The following PITPNM2 variants were observed in gnomAD, a reference collection of about 807,000 sequenced individuals.
The protein encoded by PITPNM2 is phosphatidylinositol transfer protein membrane associated 2.
PITPNM2 carries 35 observed loss-of-function variants against 132.2 expected under a neutral mutation model. The ratio of observed to expected loss-of-function variants is 0.26; its 90% CI spans 0.20 to 0.35. The LOEUF (loss-of-function observed/expected upper bound fraction) is 0.35. Ranked by LOEUF, PITPNM2 falls within the 10% of genes least tolerant of loss-of-function variation. PITPNM2 has a pLI of 1.00. For synonymous variants in PITPNM2, 738 were observed against 799.2 expected (o/e 0.92, Z 1.29); for missense variants, 1,332 against 1,912.0 (o/e 0.70, Z 5.66).
At chr12:123,014,256 G>C (rs565278383) in intron 3 of PITPNM2, among the ~76,000 whole-genome samples, 35 of 152,344 alleles carry the variant, frequency 2.3e-4, no homozygotes, top group African/African-American at 8.2e-4. Context: ...CCCAGACCTA[G>C]TGCTGCACAC....
In PITPNM2 at chr12:123,067,525, G is replaced by A. The variant is rs531714476; in HGVS notation, c.-95-32840C>T. 7.9e-4 allele frequency among the ~76,000 whole-genome samples: 119 copies of A among 151,374 alleles called. 1 individual carries two copies. Among genetic ancestry groups the A allele is most frequent in the African/African-American group, 2.7e-3 (110 of 41,222 alleles). On this transcript the variant is annotated intron_variant, in intron 2 of 25. Coordinates refer to ENST00000320201, the MANE Select transcript of PITPNM2 (RefSeq NM_020845.3). ...CAAAAGAAGAAGAGGAGAGGACACA[G>A]GAGACACAGGAGAAGGCCATGTGAA...
In PITPNM2 at chr12:123,000,136, C is replaced by T. The variant is rs2038595366; in HGVS notation, c.1224+642G>A. Among the ~76,000 whole-genome samples, 1 of 152,236 alleles carries T rather than the reference C, an allele frequency of 6.6e-6. No homozygotes were observed. Among genetic ancestry groups the T allele is most frequent in the Non-Finnish European group, 1.5e-5 (1 of 68,036 alleles). Reference sequence around the variant, plus strand: ...GTTCCCCACAGAAGTGGTGCTGCCTCCACCTTAGGTAGCTTGAGGCCAGAG... The same window carrying T: ...GTTCCCCACAGAAGTGGTGCTGCCTTCACCTTAGGTAGCTTGAGGCCAGAG... On this transcript the variant is annotated intron_variant, in intron 10 of 25. Coordinates refer to ENST00000320201, the MANE Select transcript of PITPNM2 (RefSeq NM_020845.3). This position sits in a 1 kb window ranked among gnomAD's most constrained non-coding sequence, Gnocchi z 5.4.
intron 6 of PITPNM2, among the ~76,000 whole-genome samples, chr12:123,006,573 C>T (rs1020182788): frequency 3.3e-5 from 5 of 150,332 alleles, no homozygotes; most frequent in Non-Finnish European, 7.4e-5. Flanking sequence ...ATTAGCCAGG[C>T]GTGGTGGTGT....
chr12:122,992,711 G>A lies in PITPNM2; in HGVS notation c.2234-42C>T. ...TGGCTGCAGAGCTGGGGCTGGCCCT[G>A]AGGAGCAGTGGTGGGGGTGGGAAAT... On this transcript the variant is annotated intron_variant, in intron 15 of 25. Transcript: ENST00000320201. This position sits in a 1 kb window ranked among gnomAD's most constrained non-coding sequence, Gnocchi z 6.5. 1.3e-6 allele frequency: 2 copies of A among 1,487,466 alleles called. 1 individual carries two copies. The allele number at this position is 1,487,466 out of a possible 1,614,324, so 92.1% of individuals were successfully genotyped here. A position where few individuals can be genotyped will look rare whatever the true frequency, so the allele number is the denominator to read the frequency against.
At chr12:123,014,770 T>C (rs2039357918) in intron 3 of PITPNM2, among the ~76,000 whole-genome samples, 1 of 152,060 alleles carries the variant, frequency 6.6e-6, no homozygotes, top group African/African-American at 2.4e-5. Flanking sequence ...AAGATAGAAG[T>C]AAAACTATTT....
Position 123,058,098 on chromosome 12 carries a change from C to T in PITPNM2, c.-95-23413G>A, listed in dbSNP as rs1034708725. Among the ~76,000 whole-genome samples the T allele has an allele frequency of 6.6e-6, 1 of 152,200 alleles. No individual in the cohort carries two copies. The highest frequency in any genetic ancestry group is 1.5e-5 in the Non-Finnish European group (1 of 68,042). On this transcript the variant is annotated intron_variant, in intron 2 of 25. Coordinates refer to ENST00000320201, the MANE Select transcript of PITPNM2 (RefSeq NM_020845.3). The surrounding 1 kb of genome is among the most constrained non-coding windows in gnomAD (Gnocchi z 4.0). ...TTTTACTCTTCAAAGTACTTACGAACCCACGTTCTTCACTTCTTCTTTTTG... is the reference window on the plus strand; with the variant it reads ...TTTTACTCTTCAAAGTACTTACGAATCCACGTTCTTCACTTCTTCTTTTTG...
chr12:123,086,195 A>C (rs1010503733), intron 2 of PITPNM2, among the ~76,000 whole-genome samples: 1 of 152,154 alleles, frequency 6.6e-6, no homozygotes, highest in Non-Finnish European at 1.5e-5. Context: ...GGGCCCCAAC[A>C]CTATGACATG....
chr12:123,007,745 G>A (rs908394620), intron 6 of PITPNM2, among the ~76,000 whole-genome samples: 4 of 152,116 alleles, frequency 2.6e-5, no homozygotes, highest in Non-Finnish European at 4.4e-5. Context: ...AGGAAGGGCC[G>A]CATCCCTTGC....
intron 2 of PITPNM2, among the ~76,000 whole-genome samples, chr12:123,050,888 A>G (rs2040834839): frequency 6.6e-6 from 1 of 152,224 alleles, no homozygotes; most frequent in Non-Finnish European, 1.5e-5. Flanking sequence ...CACAAAGGAA[A>G]AAAACCACTG....
chr12:123,145,545 A>G (rs2043597200), intron 1 of PITPNM2, among the ~76,000 whole-genome samples: 1 of 152,190 alleles, frequency 6.6e-6, no homozygotes, highest in African/African-American at 2.4e-5. Context: ...AGGCAATGGC[A>G]CTCAAGGAAA....
chr12:123,021,111 C>A (rs1041374438), intron 3 of PITPNM2, among the ~76,000 whole-genome samples: 2 of 151,716 alleles, frequency 1.3e-5, no homozygotes, highest in Non-Finnish European at 2.9e-5. Flanking sequence ...GTGACTCAGC[C>A]TTTTCCTGCC....
chr12:123,070,426 A>T (rs976935709), intron 2 of PITPNM2, among the ~76,000 whole-genome samples: 1 of 152,190 alleles, frequency 6.6e-6, no homozygotes, highest in Non-Finnish European at 1.5e-5. Context: ...AGCTGCTGTC[A>T]TCAGCACCCT....
At chr12:122,987,484 T>A in intron 22 of PITPNM2, 27 bp downstream of exon 22, 1 of 1,611,036 alleles carries the variant, frequency 6.2e-7, no homozygotes, top group Admixed American at 1.7e-5. Flanking sequence ...GCCCTGCCTA[T>A]CCCGCCCTCC....
At chr12:122,986,931 CTGAT>C in intron 23 of PITPNM2, 102 bp from the exon 24 acceptor site, 1 of 1,361,992 alleles carries the variant, frequency 7.3e-7, no homozygotes, top group Non-Finnish European at 9.9e-7. Flanking sequence ...AAGCACATCT[CTGAT>C]TGAGCTCAGA....
At chr12:123,149,475 G>A (rs896029785) in intron 1 of PITPNM2, among the ~76,000 whole-genome samples, 8 of 152,178 alleles carry the variant, frequency 5.3e-5, no homozygotes, top group African/African-American at 1.7e-4. Flanking sequence ...AACAGCAACA[G>A]TCCAGGAATC....
chr12:123,018,619 A>G (rs988645018), intron 3 of PITPNM2, among the ~76,000 whole-genome samples: 3 of 150,916 alleles, frequency 2.0e-5, no homozygotes, highest in African/African-American at 7.3e-5. Context: ...TAATTAAAAA[A>G]TTTTCTTTTG....
At chr12:123,028,542 A>T (rs1415837229) in intron 3 of PITPNM2, among the ~76,000 whole-genome samples, 1 of 152,244 alleles carries the variant, frequency 6.6e-6, no homozygotes, top group African/African-American at 2.4e-5. Flanking sequence ...ATCTTCCCAG[A>T]GAACGGGAAG....
At chr12:123,086,416 AT>A (rs1292118381) in intron 2 of PITPNM2, among the ~76,000 whole-genome samples, 2 of 152,350 alleles carry the variant, frequency 1.3e-5, no homozygotes, top group East Asian at 3.9e-4. Flanking sequence ...AGTGTTTAGC[AT>A]ATGGCTGGGA....
In PITPNM2 at chr12:122,987,294, C is replaced by T. The variant is rs2037978633; in HGVS notation, c.3400G>A (p.Val1134Met). Residue 1134 changes from valine (V) to methionine (M), a missense_variant, in exon 23 of 26, where the codon GTG (valine) becomes ATG (methionine). This residue lies in a region of PITPNM2 where 251 missense variants were observed against 472.0 expected (regional missense o/e 0.53). Transcript: ENST00000320201. ...GSDPKVRAGA[V>M]DVVRHWQDLG... ...TGGGCCACTCACCGCACCACGTCCA[C>T]GGCCCCGGCCCGCACCTTGGGGTCG... 6 of 1,611,496 alleles carry T rather than the reference C, an allele frequency of 3.7e-6. No homozygotes were observed. Among genetic ancestry groups the T allele is most frequent in the South Asian group, 1.1e-5 (1 of 91,006 alleles).
Sources: gnomAD v4.1 joint callset for allele counts (sites outside exome capture counted in the v4.1 genomes callset) on GRCh38, gnomAD v4.1.1 for gene constraint, gnomAD v4.1.1 regional missense constraint, Gnocchi (gnomAD v3.1) non-coding constraint, MANE v1.5 for transcripts, NCBI Gene and HGNC (gene_info 2026-07-23, HGNC 2026-07-21) for gene names.